The following ANKRD33B variants were observed in gnomAD, a reference collection of about 807,000 sequenced individuals.
ANKRD33B encodes the protein ankyrin repeat domain-containing protein 33B.
In ANKRD33B, 6 loss-of-function variants were observed where a neutral mutation model predicts 21.5. The ratio of observed to expected loss-of-function variants is 0.28; its 90% CI spans 0.15 to 0.55. ANKRD33B has a LOEUF of 0.55. Among genes scored for constraint, ANKRD33B ranks in the 20% least tolerant of loss-of-function variants. The pLI is 0.94. For missense variants in ANKRD33B, 698 were observed against 747.2 expected, an observed-to-expected ratio of 0.93 and a Z score of 0.77; for synonymous variants, 347 against 342.4, an observed-to-expected ratio of 1.01 and a Z score of -0.15.
At chr5:10,625,469 G>T (rs1736523458) in intron 2 of ANKRD33B, among the ~76,000 whole-genome samples, 1 of 152,240 alleles carries the variant, frequency 6.6e-6, no homozygotes. Flanking sequence ...TGTTTTTAGT[G>T]GTTTTGTTCA....
chr5:10,656,393 A>AGTGC lies in ANKRD33B; in HGVS notation c.*6280_*6281insGTGC, dbSNP rs1737488749. The AGTGC allele has an allele frequency of 1.3e-5, 2 of 152,424 alleles. No homozygotes were observed. Among genetic ancestry groups the AGTGC allele is most frequent in the Non-Finnish European group, 2.9e-5 (2 of 68,070 alleles). 9.4% of individuals were successfully genotyped at this position (152,424 alleles called of 1,614,324 possible). On this transcript the variant is annotated 3_prime_UTR_variant, in exon 4 of 4. Transcript: ENST00000296657. The stretch of plus-strand genomic sequence containing the variant: ...CAGGCAGTGCCAATGTGGACAGTGT[A>AGTGC]CACTAAGCTGTGAGTGTGTGCACGG...
intron 2 of ANKRD33B, among the ~76,000 whole-genome samples, chr5:10,634,349 G>T (rs1736804052): frequency 8.5e-6 from 1 of 117,514 alleles, no homozygotes; most frequent in South Asian, 2.7e-4. Context: ...TGGAGAGGGG[G>T]TGTTCTGGGG....
chr5:10,599,429 A>G (rs937440207), intron 1 of ANKRD33B, among the ~76,000 whole-genome samples: 1 of 152,128 alleles, frequency 6.6e-6, no homozygotes, highest in Non-Finnish European at 1.5e-5. Context: ...TTGTGCAAAC[A>G]TTATCACTAT....
intron 2 of ANKRD33B, among the ~76,000 whole-genome samples, chr5:10,634,943 C>G (rs1320765225): frequency 7.2e-6 from 1 of 139,840 alleles, no homozygotes; most frequent in Non-Finnish European, 1.6e-5. Context: ...ATGGGGTCAT[C>G]TGTGTGATGA....
chr5:10,623,022 G>A (rs1447230957), intron 2 of ANKRD33B, among the ~76,000 whole-genome samples: 5 of 151,994 alleles, frequency 3.3e-5, no homozygotes, highest in African/African-American at 9.7e-5. Flanking sequence ...TGCAGGCCCC[G>A]CAGCCACTCC....
chr5:10,621,364 GA>G (rs977261057), intron 2 of ANKRD33B, among the ~76,000 whole-genome samples: 14 of 151,418 alleles, frequency 9.2e-5, no homozygotes, highest in African/African-American at 2.4e-4. Flanking sequence ...AGCAGAGTTA[GA>G]AAAAAAAATA....
chr5:10,573,728 A>G (rs536998732), intron 1 of ANKRD33B, among the ~76,000 whole-genome samples: 1 of 152,276 alleles, frequency 6.6e-6, no homozygotes, highest in Admixed American at 6.5e-5. Flanking sequence ...GAAGTGCCAC[A>G]TTAAAACCAT....
intron 1 of ANKRD33B, among the ~76,000 whole-genome samples, chr5:10,605,297 G>A (rs1247803038): frequency 6.6e-6 from 1 of 152,234 alleles, no homozygotes; most frequent in African/African-American, 2.4e-5. Context: ...CAGCATGGGA[G>A]GTGATCACCA....
intron 1 of ANKRD33B, among the ~76,000 whole-genome samples, chr5:10,599,774 A>T (rs182137735): frequency 3.1e-4 from 47 of 152,372 alleles, no homozygotes; most frequent in Non-Finnish European, 5.0e-4. Flanking sequence ...CACTACTGTG[A>T]ATAATGCTGT....
intron 1 of ANKRD33B, among the ~76,000 whole-genome samples, chr5:10,582,940 T>C (rs986568254): frequency 2.0e-5 from 3 of 152,040 alleles, no homozygotes; most frequent in Non-Finnish European, 4.4e-5. Context: ...GTTTCTGCCC[T>C]GTGCAGTCCG....
Position 10,649,721 on chromosome 5 carries a change from G to A in ANKRD33B, c.1093G>A (p.Ala365Thr), listed in dbSNP as rs1277406999. The change falls in exon 4 of 4, where the codon GCG (alanine) becomes ACG (threonine). Residue 365 changes from alanine (A) to threonine (T), a missense_variant. By Grantham distance (58) the Ala-to-Thr change is moderately conservative. Coordinates refer to ENST00000296657, the MANE Select transcript of ANKRD33B (RefSeq NM_001164440.2). ...QAQEEDEVGG[A>T]GQRGRTGQED... ...GCAGGAGGAGGATGAGGTGGGGGGCGCGGGGCAGCGCGGGCGGACCGGACA... is the reference window on the plus strand; with the variant it reads ...GCAGGAGGAGGATGAGGTGGGGGGCACGGGGCAGCGCGGGCGGACCGGACA... The A allele has an allele frequency of 4.7e-6, 7 of 1,494,276 alleles. No homozygotes were observed. The highest frequency in any genetic ancestry group is 2.4e-4 in the Middle Eastern group (1 of 4,194). The allele number at this position is 1,494,276 out of a possible 1,614,324, so 92.6% of individuals were successfully genotyped here. A position where few individuals can be genotyped will look rare whatever the true frequency, so the allele number is the denominator to read the frequency against.
intron 1 of ANKRD33B, among the ~76,000 whole-genome samples, chr5:10,616,946 A>G (rs1736297131): frequency 6.6e-6 from 1 of 152,240 alleles, no homozygotes; most frequent in Non-Finnish European, 1.5e-5. Flanking sequence ...CTGGAAGCCC[A>G]GGATCAGGGC....
intron 1 of ANKRD33B, among the ~76,000 whole-genome samples, chr5:10,565,285 C>A (rs1735022366): frequency 6.6e-6 from 1 of 152,256 alleles, no homozygotes. Flanking sequence ...CCATTTGGCC[C>A]CTGGGCCCCT....
rs1217024084 is a variant in ANKRD33B, at chr5:10,650,530, G to GT, written c.*420dup. The GT allele has an allele frequency of 6.5e-6, 1 of 153,674 alleles. No individual in the cohort carries two copies. The highest frequency in any genetic ancestry group is 1.4e-5 in the Non-Finnish European group (1 of 69,014). The allele number at this position is 153,674 out of a possible 1,614,324, so 9.5% of individuals were successfully genotyped here. On this transcript the variant is annotated 3_prime_UTR_variant, in exon 4 of 4. Coordinates refer to ENST00000296657, the MANE Select transcript of ANKRD33B (RefSeq NM_001164440.2). ...TAATACACTTGCCTGAAGACCTTTT[G>GT]TTTAAGATACTGTTTCTAGCAATAA... is the stretch of plus-strand genomic sequence containing the variant.
intron 1 of ANKRD33B, among the ~76,000 whole-genome samples, chr5:10,606,614 G>A (rs181093898): frequency 1.3e-5 from 2 of 152,152 alleles, no homozygotes; most frequent in African/African-American, 4.8e-5. Flanking sequence ...AGTGCCTGTA[G>A]TCCCAGCTAC....
rs1029776706 is a variant in ANKRD33B at position 10,653,777 on chromosome 5, C to G, written c.*3664C>G. 1 of 152,470 alleles carries G rather than the reference C, an allele frequency of 6.6e-6. No individual in the cohort carries two copies. The highest frequency in any genetic ancestry group is 2.4e-5 in the African/African-American group (1 of 41,458). 9.4% of individuals were successfully genotyped at this position (152,470 alleles called of 1,614,324 possible). ...GTAGTCAGGGGTCTCACAGTGGCCT[C>G]TCCAAAAGCCTGGTGTCCTTGGAGA... On this transcript the variant is annotated 3_prime_UTR_variant, in exon 4 of 4. Transcript: ENST00000296657.
In ANKRD33B at chr5:10,638,046, ACT is replaced by A; in HGVS notation, c.516_517del (p.Asn172LysfsTer10). On this transcript the variant is annotated frameshift_variant, in exon 3 of 4. Coordinates refer to ENST00000296657, the MANE Select transcript of ANKRD33B (RefSeq NM_001164440.2). LOFTEE classifies it high-confidence loss of function. ...TTTACAGGGCACGCTATCATCACTAACTACTTGTTGAACTATTTCCCTGGTCT... is the reference window on the plus strand; with the variant it reads ...TTTACAGGGCACGCTATCATCACTAAACTTGTTGAACTATTTCCCTGGTCT... 6.5e-7 allele frequency: 1 copy of A among 1,537,610 alleles called. No individual in the cohort carries two copies. Among genetic ancestry groups the A allele is most frequent in the Non-Finnish European group, 8.7e-7 (1 of 1,146,962 alleles).
chr5:10,631,343 A>G (rs1176757566), intron 2 of ANKRD33B, among the ~76,000 whole-genome samples: 1 of 152,198 alleles, frequency 6.6e-6, no homozygotes, highest in African/African-American at 2.4e-5. Context: ...GATCTGATAA[A>G]TATTCCACAG....
chr5:10,614,928 T>C (rs891148068), intron 1 of ANKRD33B, among the ~76,000 whole-genome samples: 16 of 152,124 alleles, frequency 1.1e-4, no homozygotes, highest in Non-Finnish European at 2.1e-4. Flanking sequence ...CTAAATGTTA[T>C]ATCAGCCTTC....
Sources: allele counts gnomAD v4.1 joint callset (sites outside exome capture counted in the v4.1 genomes callset), GRCh38; gene constraint gnomAD v4.1.1; transcripts MANE v1.5; gene names NCBI Gene and HGNC (gene_info 2026-07-23, HGNC 2026-07-21).